Variants in LRRC7 observed in about 807,000 individuals in gnomAD.
The protein encoded by LRRC7 is leucine rich repeat containing 7.
A neutral mutation model predicts 175.7 loss-of-function variants in LRRC7; 23 were observed. The observed-to-expected ratio is 0.13, with a 90% CI of 0.09 to 0.19. LRRC7 has a LOEUF of 0.19. Among genes scored for constraint, LRRC7 ranks in the 10% least tolerant of loss-of-function variants. The pLI is 1.00. For synonymous variants in LRRC7, 685 were observed against 680.9 expected (o/e 1.01, Z -0.09); for missense variants, 1,354 against 1,904.7 (o/e 0.71, Z 5.38).
In LRRC7 at chr1:70,005,960, C is replaced by T. The variant is rs562296054; in HGVS notation, c.1005-5837C>T. On this transcript the variant is annotated intron_variant, in intron 11 of 26. Coordinates refer to ENST00000651989, the MANE Select transcript of LRRC7 (RefSeq NM_001370785.2). Reference sequence around the variant, plus strand: ...TTCCACAATTATAAAAATAAAGCATCTGAAAAAATAAAGGTAACCTTTGGT... The same window carrying T: ...TTCCACAATTATAAAAATAAAGCATTTGAAAAAATAAAGGTAACCTTTGGT... Among the ~76,000 whole-genome samples, 10 of 151,914 alleles carry T rather than the reference C, an allele frequency of 6.6e-5. No individual in the cohort carries two copies. In the East Asian group the frequency reaches 1.7e-3, roughly 26 times the overall value.
intron 4 of LRRC7, among the ~76,000 whole-genome samples, chr1:69,797,765 T>C (rs1675964931): frequency 1.3e-5 from 2 of 152,200 alleles, no homozygotes; most frequent in African/African-American, 4.8e-5. Context: ...CTAATATGAC[T>C]GCATTACTCT....
At chr1:69,848,639 T>C (rs960150280) in intron 7 of LRRC7, among the ~76,000 whole-genome samples, 3 of 152,104 alleles carry the variant, frequency 2.0e-5, no homozygotes, top group African/African-American at 7.2e-5. Flanking sequence ...ATTTTCTGCT[T>C]TCTTCAGGTC....
At chr1:70,080,957 C>T (rs1350914786) in intron 24 of LRRC7, among the ~76,000 whole-genome samples, 1 of 152,150 alleles carries the variant, frequency 6.6e-6, no homozygotes, top group African/African-American at 2.4e-5. Flanking sequence ...CTTAAAGATC[C>T]CATCCACCTT....
At chr1:69,878,040 C>T (rs1021752978) in intron 7 of LRRC7, among the ~76,000 whole-genome samples, 2 of 151,960 alleles carry the variant, frequency 1.3e-5, no homozygotes, top group Non-Finnish European at 2.9e-5. Flanking sequence ...GTAGAAGAAT[C>T]AGAAGTGCAG....
intron 1 of LRRC7, among the ~76,000 whole-genome samples, chr1:69,635,828 G>GT (rs983666059): frequency 2.0e-5 from 3 of 151,684 alleles, no homozygotes; most frequent in Non-Finnish European, 4.4e-5. Context: ...CATTACTGAT[G>GT]TTTTTTTAAA....
intron 2 of LRRC7, among the ~76,000 whole-genome samples, chr1:69,717,841 A>AGAAG (rs754934916): frequency 1.0e-4 from 2 of 19,334 alleles, no homozygotes; most frequent in African/African-American, 4.3e-4. Context: ...AAAGAAAGAA[A>AGAAG]AAAGAAAGAA....
chr1:69,710,905 C>A (rs1664679192), intron 2 of LRRC7, among the ~76,000 whole-genome samples: 1 of 152,156 alleles, frequency 6.6e-6, no homozygotes, highest in Non-Finnish European at 1.5e-5. Context: ...ACTCTCTTTT[C>A]CCTTTTAGTT....
intron 25 of LRRC7, among the ~76,000 whole-genome samples, chr1:70,102,819 G>A (rs1039984061): frequency 1.3e-5 from 2 of 152,158 alleles, no homozygotes; most frequent in Non-Finnish European, 2.9e-5. Context: ...AAAGTCCATA[G>A]AAGTTAACTT....
intron 8 of LRRC7, among the ~76,000 whole-genome samples, chr1:69,964,994 G>A (rs1651518277): frequency 6.6e-6 from 1 of 152,198 alleles, no homozygotes; most frequent in African/African-American, 2.4e-5. Context: ...ATATAAAACA[G>A]GACATTGAGA....
chr1:70,112,743 A>G (rs1481748690), intron 26 of LRRC7, among the ~76,000 whole-genome samples: 1 of 152,054 alleles, frequency 6.6e-6, no homozygotes, highest in East Asian at 1.9e-4. Context: ...GAGGGAGGTG[A>G]AAGAAGGGAG....
chr1:69,573,210 C>A (rs577920311), intron 1 of LRRC7, among the ~76,000 whole-genome samples: 1 of 152,110 alleles, frequency 6.6e-6, no homozygotes, highest in Admixed American at 6.5e-5. Flanking sequence ...ATCCATGCCA[C>A]GTGGAAAGTG....
At chr1:69,630,649 C>T (rs990175175) in intron 1 of LRRC7, among the ~76,000 whole-genome samples, 1 of 151,928 alleles carries the variant, frequency 6.6e-6, no homozygotes, top group Non-Finnish European at 1.5e-5. Context: ...TATTGGGCAC[C>T]TTTCCAAATA....
At position 70,121,999 on chromosome 1, in the gene LRRC7, C is replaced by G. The variant is rs1399715131; in HGVS notation, c.*112C>G. 1 of 693,258 alleles carries G rather than the reference C, an allele frequency of 1.4e-6. No homozygotes were observed. The highest frequency in any genetic ancestry group is 2.6e-6 in the Non-Finnish European group (1 of 386,960). The allele number at this position is 693,258 out of a possible 1,614,324, so 42.9% of individuals were successfully genotyped here. Reference sequence around the variant, plus strand: ...CTGGACCAATGGCAAACATTAGTGCCAAATGTATAATACTATATGTTAGCA... The same window carrying G: ...CTGGACCAATGGCAAACATTAGTGCGAAATGTATAATACTATATGTTAGCA... On this transcript the variant is annotated 3_prime_UTR_variant, in exon 27 of 27. Coordinates refer to ENST00000651989, the MANE Select transcript of LRRC7 (RefSeq NM_001370785.2).
chr1:69,811,821 G>A (rs753094484), intron 4 of LRRC7, among the ~76,000 whole-genome samples: 17 of 152,048 alleles, frequency 1.1e-4, no homozygotes, highest in Non-Finnish European at 2.1e-4. Context: ...CCTAATGTAG[G>A]TGACAGGTTG....
intron 7 of LRRC7, among the ~76,000 whole-genome samples, chr1:69,907,965 C>T (rs554577647): frequency 6.6e-6 from 1 of 152,258 alleles, no homozygotes; most frequent in South Asian, 2.1e-4. Flanking sequence ...TTCAGAGATT[C>T]AACTTCTTCC....
rs1053517530 is a variant in LRRC7 at position 70,136,601 on chromosome 1, G to C, written c.*14714G>C. Reference sequence around the variant, plus strand: ...AGTCTAGTGGGGAGACACACAAAAAGTCTAATAAATGCTATCGTGTAGGTA... The same window carrying C: ...AGTCTAGTGGGGAGACACACAAAAACTCTAATAAATGCTATCGTGTAGGTA... On this transcript the variant is annotated 3_prime_UTR_variant, in exon 27 of 27. Transcript: ENST00000651989. Among the ~76,000 whole-genome samples the C allele has an allele frequency of 6.6e-6, 1 of 151,460 alleles. No homozygotes were observed. The highest frequency in any genetic ancestry group is 1.5e-5 in the Non-Finnish European group (1 of 67,876).
At chr1:69,607,685 C>G (rs1254217112) in intron 1 of LRRC7, 1 of 152,086 alleles carries the variant, frequency 6.6e-6, no homozygotes, top group African/African-American at 2.4e-5. Flanking sequence ...TGTGTGTTTA[C>G]TAGAAGCCCA....
chr1:69,575,098 G>A (rs1461970795), intron 1 of LRRC7, among the ~76,000 whole-genome samples: 1 of 152,060 alleles, frequency 6.6e-6, no homozygotes, highest in Admixed American at 6.6e-5. Context: ...TAACACTTCA[G>A]AGCTGGAAAG....
intron 2 of LRRC7, among the ~76,000 whole-genome samples, chr1:69,719,553 C>A (rs561448163): frequency 1.3e-5 from 2 of 151,668 alleles, no homozygotes; most frequent in African/African-American, 4.8e-5. Flanking sequence ...TTTTTCTTGA[C>A]CTAGCATTAT....
Sources: gnomAD v4.1 joint callset for allele counts (sites outside exome capture counted in the v4.1 genomes callset) on GRCh38, gnomAD v4.1.1 for gene constraint, MANE v1.5 for transcripts, NCBI Gene and HGNC (gene_info 2026-07-23, HGNC 2026-07-21) for gene names.